Variants in HSPA9 observed in about 807,000 individuals in gnomAD.
HSPA9 encodes heat shock protein family A (Hsp70) member 9.
In HSPA9, 28 loss-of-function variants were observed where a neutral mutation model predicts 81.5. The ratio of observed to expected loss-of-function variants is 0.34; its 90% CI spans 0.25 to 0.47. The LOEUF is 0.47. Among genes scored for constraint, HSPA9 ranks in the 20% least tolerant of loss-of-function variants. The probability of loss-of-function intolerance (pLI) is 1.00; values close to 1 mark genes in which losing one functional copy is unlikely to be tolerated. For missense variants in HSPA9, 678 were observed against 838.0 expected (o/e 0.81, Z 2.36); for synonymous variants, 293 against 290.4 (o/e 1.01, Z -0.09).
chr5:138,574,925 G>A (rs773586554), intron 1 of HSPA9: 6 of 489,314 alleles, frequency 1.2e-5, no homozygotes, highest in African/African-American at 2.0e-5. Flanking sequence ...TTTCCCAATA[G>A]ACTGCATCCC....
intron 3 of HSPA9, among the ~76,000 whole-genome samples, chr5:138,573,199 T>C (rs1046241231): frequency 3.3e-5 from 5 of 152,074 alleles, no homozygotes; most frequent in Non-Finnish European, 5.9e-5. Context: ...GGCCAATTTT[T>C]TGCATTTTTA....
At chr5:138,560,868 G>A (rs1305606201) in intron 10 of HSPA9, 2 of 431,296 alleles carry the variant, frequency 4.6e-6, no homozygotes, top group Non-Finnish European at 4.5e-6. Context: ...CTTAATATAT[G>A]AGGCATCCAC....
intron 3 of HSPA9, among the ~76,000 whole-genome samples, chr5:138,571,677 G>A (rs1185296387): frequency 1.4e-5 from 2 of 145,748 alleles, no homozygotes; most frequent in South Asian, 2.2e-4. Context: ...AGGGAGTCTC[G>A]CTCTTGTCAC....
chr5:138,572,612 G>A (rs537830779), intron 3 of HSPA9, among the ~76,000 whole-genome samples: 1 of 152,260 alleles, frequency 6.6e-6, no homozygotes, highest in East Asian at 1.9e-4. Flanking sequence ...TGGAATTCTT[G>A]ACTCTTGCTT....
chr5:138,569,319 A>G (rs1422797910), intron 4 of HSPA9, among the ~76,000 whole-genome samples: 3 of 152,248 alleles, frequency 2.0e-5, no homozygotes, highest in Admixed American at 6.5e-5. Context: ...CGCCCCAGGC[A>G]GAAGATTTTT....
rs761010761 is a variant in HSPA9, at chr5:138,554,229, T to G, written c.*1808A>C. 2.0e-5 allele frequency among the ~76,000 whole-genome samples: 3 copies of G among 152,220 alleles called. No homozygotes were observed. Among genetic ancestry groups the G allele is most frequent in the Admixed American group, 2.0e-4 (3 of 15,276 alleles). ...CCTAATAGAACTCAAATATATATTT[T>G]GCTTGGGCATTTGGCTCCTCTCTCT... On this transcript the variant is annotated 3_prime_UTR_variant, in exon 17 of 17. Coordinates refer to ENST00000297185, the MANE Select transcript of HSPA9 (RefSeq NM_004134.7).
At chr5:138,569,166 A>G in intron 4 of HSPA9, 117 bp from the exon 5 acceptor site, 1 of 918,662 alleles carries the variant, frequency 1.1e-6, no homozygotes, top group Non-Finnish European at 1.8e-6. Flanking sequence ...TGGCCAACAA[A>G]TGACAGTTTG....
intron 11 of HSPA9, 126 bp from the exon 12 acceptor site, chr5:138,558,783 C>T: frequency 2.8e-6 from 2 of 709,526 alleles, no homozygotes; most frequent in South Asian, 2.9e-5. Context: ...ATGTTCAGAA[C>T]AAAGGCTGAT....
Position 138,558,628 on chromosome 5 carries a change from C to T in HSPA9, c.1440G>A (p.Thr480=), listed in dbSNP as rs149852902. 28 of 1,613,430 alleles carry T rather than the reference C, an allele frequency of 1.7e-5. No homozygotes were observed. The East Asian group carries it at 2.0e-4, about 12-fold the overall frequency. ...CCTGACACACTTTAATTTCCACTTG[C>T]GTTTGACCATCAGCGGCAGTAGAGA... The part of the protein sequence containing the change: ...QVFSTAADGQ[T]QVEIKVCQGE... The change falls in exon 12 of 17, where the codon ACG becomes ACA. Residue 480 remains threonine (T), a synonymous_variant. Transcript: ENST00000297185.
chr5:138,568,857 G>A, intron 5 of HSPA9, 68 bp downstream of exon 5: 1 of 1,540,266 alleles, frequency 6.5e-7, no homozygotes, highest in East Asian at 2.3e-5. Context: ...CTGGAGCACA[G>A]GGAGCTAGTG....
At chr5:138,570,402 A>G (rs1750854708) in intron 4 of HSPA9, among the ~76,000 whole-genome samples, 1 of 152,184 alleles carries the variant, frequency 6.6e-6, no homozygotes. Flanking sequence ...TTATGTATTC[A>G]ACACTGAACT....
At chr5:138,567,604 C>A in intron 6 of HSPA9, 43 bp from the exon 7 acceptor site, 1 of 1,608,606 alleles carries the variant, frequency 6.2e-7, no homozygotes, top group Middle Eastern at 1.7e-4. Flanking sequence ...CCCTTCCATC[C>A]CAGGCACCTT....
intron 3 of HSPA9, 21 bp from the exon 4 acceptor site, chr5:138,571,162 AGAGAGT>A (rs1750875829): frequency 6.2e-7 from 1 of 1,611,824 alleles, no homozygotes; most frequent in Middle Eastern, 2.0e-4. Context: ...AAAATGTGAT[AGAGAGT>A]AAGTTTGTAG....
chr5:138,562,173 G>A (rs1429432262), intron 9 of HSPA9, among the ~76,000 whole-genome samples: 3 of 150,974 alleles, frequency 2.0e-5, no homozygotes, highest in Admixed American at 6.6e-5. Context: ...TCTTGACCTC[G>A]TGATCCGCCT....
intron 3 of HSPA9, among the ~76,000 whole-genome samples, chr5:138,572,642 T>C (rs1328655631): frequency 6.6e-6 from 1 of 152,206 alleles, no homozygotes; most frequent in African/African-American, 2.4e-5. Context: ...ATGGCCTCTT[T>C]TGCTTTCATA....
rs1473098320 is a variant in HSPA9 at position 138,567,008 on chromosome 5, T to C, written c.872A>G (p.Lys291Arg). 1.2e-6 allele frequency: 2 copies of C among 1,612,682 alleles called. No homozygotes were observed. The highest frequency in any genetic ancestry group is 1.7e-6 in the Non-Finnish European group (2 of 1,179,930). ...ALLRHIVKEF[K>R]RETGVDLTKD... is the part of the protein sequence containing the mutation. ...ACCACATTGGTAACTCACCTCTCTCTTGAACTCCTTCACAATGTGCCGTAG... is the reference window on the plus strand; with the variant it reads ...ACCACATTGGTAACTCACCTCTCTCCTGAACTCCTTCACAATGTGCCGTAG... Residue 291 changes from lysine to arginine, a missense_variant, in exon 8 of 17, where the codon AAG becomes AGG. Around this residue, in one of 4 missense-constraint regions of HSPA9, gnomAD observed 484 missense variants for 647.5 expected, o/e 0.75. Coordinates refer to ENST00000297185, the MANE Select transcript of HSPA9 (RefSeq NM_004134.7).
chr5:138,573,342 A>G (rs1370059277), intron 3 of HSPA9, among the ~76,000 whole-genome samples: 1 of 152,034 alleles, frequency 6.6e-6, no homozygotes, highest in African/African-American at 2.4e-5. Flanking sequence ...CCTGATCTAT[A>G]GTTATGTTTT....
intron 3 of HSPA9, 116 bp from the exon 4 acceptor site, chr5:138,571,257 T>C (rs1439641978): frequency 2.0e-6 from 2 of 1,015,458 alleles, no homozygotes; most frequent in Non-Finnish European, 3.0e-6. Context: ...CTTGGCTCAC[T>C]GCAACCTCCG....
chr5:138,556,876 A>G lies in HSPA9; in HGVS notation c.1729-10T>C, dbSNP rs535371710. The G allele has an allele frequency of 1.9e-6, 3 of 1,604,500 alleles. No individual in the cohort carries two copies. The highest frequency in any genetic ancestry group is 2.7e-5 in the African/African-American group (2 of 74,854). On this transcript the variant is annotated splice_polypyrimidine_tract_variant and intron_variant, in intron 14 of 16. Coordinates refer to ENST00000297185, the MANE Select transcript of HSPA9 (RefSeq NM_004134.7). ...CTGCTTCAACTCGTTCCTTAGAGAA[A>G]TTAGAAGTTTAAACGAAGACTTTCC...
Sources: gnomAD v4.1 joint callset for allele counts (sites outside exome capture counted in the v4.1 genomes callset) on GRCh38, gnomAD v4.1.1 for gene constraint, gnomAD v4.1.1 regional missense constraint, MANE v1.5 for transcripts, NCBI Gene and HGNC (gene_info 2026-07-23, HGNC 2026-07-21) for gene names.